Variants in GLIS3 observed in about 807,000 individuals in gnomAD.
GLIS3 encodes zinc finger protein GLIS3.
GLIS3 carries 53 observed loss-of-function variants against 78.6 expected under a neutral mutation model. The ratio of observed to expected loss-of-function variants is 0.67; its 90% CI spans 0.54 to 0.85. The LOEUF (loss-of-function observed/expected upper bound fraction) is 0.85, where lower values mean the gene tolerates loss of function less well. GLIS3 is among the 40% of genes least tolerant of loss of function. The probability of loss-of-function intolerance (pLI) is 0.00; values close to 1 mark genes in which losing one functional copy is unlikely to be tolerated. For synonymous variants in GLIS3, 684 were observed against 509.9 expected (o/e 1.34, Z -4.60); for missense variants, 1,703 against 1,231.1 (o/e 1.38, Z -5.74).
At chr9:4,401,153 A>G in the GLIS3 span, among the ~76,000 whole-genome samples, 2,551 of 152,242 alleles carry the variant, frequency 0.017, 81 homozygotes, top group African/African-American at 0.058. Flanking sequence ...CAGCATTTCT[A>G]TATCTGTCCT....
Position 3,921,051 on chromosome 9 carries a change from G to A in GLIS3, c.1983+11309C>T, listed in dbSNP as rs374092711. Among the ~76,000 whole-genome samples the A allele has an allele frequency of 1.4e-4, 22 of 152,272 alleles. 1 individual carries two copies. The East Asian group carries it at 4.1e-3, about 28-fold the overall frequency. ...CATCACAACCCTACGGGACTTCGCA[G>A]TATGGTTGTCACTGAATCTGAAAGC... On this transcript the variant is annotated intron_variant, in intron 6 of 10. Transcript: ENST00000381971.
the GLIS3 span, among the ~76,000 whole-genome samples, chr9:4,437,448 C>G: frequency 1.6e-3 from 236 of 151,812 alleles, 1 homozygote; most frequent in African/African-American, 5.4e-3. Flanking sequence ...ATCTATCTAT[C>G]TATCTATCTA....
At chr9:4,452,375 G>A in the GLIS3 span, among the ~76,000 whole-genome samples, 24 of 152,176 alleles carry the variant, frequency 1.6e-4, no homozygotes, top group African/African-American at 5.8e-4. Flanking sequence ...AAGACAGGAA[G>A]TCAAAATGTC....
chr9:4,239,471 C>G (rs1021306169), intron 2 of GLIS3, among the ~76,000 whole-genome samples: 1 of 151,944 alleles, frequency 6.6e-6, no homozygotes, highest in Non-Finnish European at 1.5e-5. Context: ...GGGGCTATTC[C>G]TAGAGACCTA....
chr9:4,062,000 T>C (rs1359294048), intron 4 of GLIS3, among the ~76,000 whole-genome samples: 3 of 152,210 alleles, frequency 2.0e-5, no homozygotes, highest in African/African-American at 7.2e-5. Context: ...TCATCCTCCT[T>C]GTCCTCACTT....
chr9:3,837,233 T>G (rs1818407938), intron 9 of GLIS3, among the ~76,000 whole-genome samples: 1 of 152,202 alleles, frequency 6.6e-6, no homozygotes, highest in South Asian at 2.1e-4. Flanking sequence ...GGAGCATCTT[T>G]GGTTACACAC....
chr9:4,475,063 G>C, the GLIS3 span, among the ~76,000 whole-genome samples: 2 of 139,468 alleles, frequency 1.4e-5, no homozygotes, highest in African/African-American at 2.8e-5. Flanking sequence ...GCATGATCTC[G>C]GCTCACTGCA....
In GLIS3 at chr9:4,117,982, T is replaced by A. The variant is rs747953759; in HGVS notation, c.1496A>T (p.Lys499Met). The A allele has an allele frequency of 1.4e-5, 22 of 1,612,744 alleles. No individual in the cohort carries two copies. The highest frequency in any genetic ancestry group is 1.9e-5 in the Non-Finnish European group (22 of 1,179,660). Residue 499 changes from lysine to methionine, a missense_variant, in exon 4 of 11, where the codon AAG (lysine) becomes ATG (methionine). Transcript: ENST00000381971. ...DDGEMDGIGG[K>M]HCCRWIDCSA... The stretch of plus-strand genomic sequence containing the variant: ...GCAGTCGATCCAGCGGCAGCAATGC[T>A]TGCCCCCGATGCCGTCCATCTCCCC...
At position 4,020,445 on chromosome 9, in the gene GLIS3, C is replaced by G. The variant is rs145908741; in HGVS notation, c.1711-83256G>C. On this transcript the variant is annotated intron_variant, in intron 4 of 10. Transcript: ENST00000381971. The stretch of plus-strand genomic sequence containing the variant: ...AAGCATGCTGTTCATTGAGTGCTTG[C>G]GTTTACATCGTACCCAAACACCTGG... Among the ~76,000 whole-genome samples the G allele has an allele frequency of 3.8e-3, 582 of 152,224 alleles. 7 individuals carry two copies. Among genetic ancestry groups the G allele is most frequent in the African/African-American group, 0.013 (553 of 41,530 alleles).
intron 1 of GLIS3, among the ~76,000 whole-genome samples, chr9:4,288,635 AT>A (rs1828198765): frequency 6.6e-6 from 1 of 152,224 alleles, no homozygotes; most frequent in South Asian, 2.1e-4. Flanking sequence ...TGACAACTTA[AT>A]TAAGTATCAG....
rs492191 is a variant in GLIS3, at chr9:4,005,127, T to C, written c.1711-67938A>G. 3.3e-3 allele frequency among the ~76,000 whole-genome samples: 495 copies of C among 152,302 alleles called. 4 individuals are homozygous for C. Among genetic ancestry groups the C allele is most frequent in the African/African-American group, 0.012 (488 of 41,558 alleles). On this transcript the variant is annotated intron_variant, in intron 4 of 10. Transcript: ENST00000381971. ...TCCCACATTTGTGTCATTTCTGCAT[T>C]TGGTATTCTTTGAGGCACCCAAAAT...
intron 6 of GLIS3, among the ~76,000 whole-genome samples, chr9:3,928,795 A>G (rs1239075085): frequency 6.6e-6 from 1 of 152,254 alleles, no homozygotes; most frequent in Non-Finnish European, 1.5e-5. Flanking sequence ...TCATAGGTCA[A>G]TGTTTAACAA....
intron 2 of GLIS3, among the ~76,000 whole-genome samples, chr9:4,320,031 G>GCA (rs1563931561): frequency 9.4e-5 from 14 of 149,344 alleles, no homozygotes; most frequent in African/African-American, 3.5e-4. Flanking sequence ...GTGTGCGCGC[G>GCA]CACAAGAGTC....
At chr9:4,368,777 G>A in the GLIS3 span, among the ~76,000 whole-genome samples, 1 of 152,182 alleles carries the variant, frequency 6.6e-6, no homozygotes, top group Non-Finnish European at 1.5e-5. Flanking sequence ...AGCATGCACT[G>A]GAGTCGGTTT....
chr9:4,065,134 A>G (rs528163619), intron 4 of GLIS3, among the ~76,000 whole-genome samples: 1 of 152,060 alleles, frequency 6.6e-6, no homozygotes, highest in Non-Finnish European at 1.5e-5. Context: ...TAGATTTCTG[A>G]TTTTTCCCAG....
At chr9:4,399,818 G>C in the GLIS3 span, among the ~76,000 whole-genome samples, 16 of 152,158 alleles carry the variant, frequency 1.1e-4, no homozygotes, top group Non-Finnish European at 1.5e-4. Flanking sequence ...TTGGGCATGA[G>C]GTTAAGTTTA....
At chr9:4,081,047 A>G (rs1828518699) in intron 4 of GLIS3, among the ~76,000 whole-genome samples, 1 of 152,154 alleles carries the variant, frequency 6.6e-6, no homozygotes. Context: ...GTCCTTGATT[A>G]CGGCAGTAGA....
At chr9:4,408,019 C>T in the GLIS3 span, among the ~76,000 whole-genome samples, 1 of 152,138 alleles carries the variant, frequency 6.6e-6, no homozygotes, top group Non-Finnish European at 1.5e-5. Context: ...AACTGCTCAA[C>T]ATTAATAATC....
intron 2 of GLIS3, among the ~76,000 whole-genome samples, chr9:4,256,266 A>G (rs889430693): frequency 6.6e-6 from 1 of 152,156 alleles, no homozygotes; most frequent in Non-Finnish European, 1.5e-5. Flanking sequence ...GTCCTTTTAG[A>G]TCTTTGTATC....
Sources: gnomAD v4.1 joint callset for allele counts (sites outside exome capture counted in the v4.1 genomes callset) on GRCh38, gnomAD v4.1.1 for gene constraint, MANE v1.5 for transcripts, NCBI Gene and HGNC (gene_info 2026-07-23, HGNC 2026-07-21) for gene names.